PLXDC2: variants seen among roughly 807,000 people sequenced by gnomAD.
PLXDC2 encodes plexin domain-containing protein 2.
In PLXDC2, 40 loss-of-function variants were observed where a neutral mutation model predicts 68.9. That is an observed-to-expected ratio of 0.58 (90% CI 0.45 to 0.76). The LOEUF is 0.76. Ranked by LOEUF, PLXDC2 falls within the 30% of genes least tolerant of loss-of-function variation. PLXDC2 has a pLI of 0.00. For missense variants in PLXDC2, 644 were observed against 661.9 expected (o/e 0.97, Z 0.30); for synonymous variants, 243 against 234.2 (o/e 1.04, Z -0.34).
At chr10:20,172,567 C>T (rs886427830) in intron 7 of PLXDC2, among the ~76,000 whole-genome samples, 6 of 151,936 alleles carry the variant, frequency 3.9e-5, no homozygotes, top group Admixed American at 6.6e-5. Context: ...GTGTAATGAT[C>T]GGGTCAGGGT....
At chr10:20,221,689 C>T (rs1441306549) in intron 12 of PLXDC2, among the ~76,000 whole-genome samples, 2 of 152,144 alleles carry the variant, frequency 1.3e-5, no homozygotes, top group Admixed American at 6.6e-5. Context: ...AATCTAACTT[C>T]ATTATTTAAT....
intron 13 of PLXDC2, among the ~76,000 whole-genome samples, chr10:20,262,526 C>T (rs917480195): frequency 2.6e-5 from 4 of 152,134 alleles, no homozygotes; most frequent in African/African-American, 9.7e-5. Flanking sequence ...GGCACTTTAG[C>T]CATTCCAGCC....
chr10:20,140,405 A>AAATATCTATC (rs201306989), intron 4 of PLXDC2, among the ~76,000 whole-genome samples: 9 of 12,534 alleles, frequency 7.2e-4, no homozygotes, highest in Admixed American at 1.2e-3. Flanking sequence ...TATATATAAA[A>AAATATCTATC]TATCTATCTA....
chr10:20,145,090 C>T (rs2131793988), intron 5 of PLXDC2, among the ~76,000 whole-genome samples: 1 of 152,084 alleles, frequency 6.6e-6, no homozygotes, highest in South Asian at 2.1e-4. Flanking sequence ...GACGTAGGTC[C>T]TAAATAATTA....
chr10:19,941,265 T>C (rs2131397914), intron 1 of PLXDC2, among the ~76,000 whole-genome samples: 1 of 152,328 alleles, frequency 6.6e-6, no homozygotes, highest in East Asian at 1.9e-4. Flanking sequence ...AATGTGTTCT[T>C]ATCATGATGC....
At chr10:19,947,239 GA>G (rs1313720203) in intron 1 of PLXDC2, among the ~76,000 whole-genome samples, 9 of 152,180 alleles carry the variant, frequency 5.9e-5, no homozygotes, top group Non-Finnish European at 1.5e-5. Flanking sequence ...ATTTCAGTGA[GA>G]CCAGTTTTGA....
chr10:19,956,855 C>A (rs544540189), intron 1 of PLXDC2, among the ~76,000 whole-genome samples: 1 of 152,258 alleles, frequency 6.6e-6, no homozygotes, highest in African/African-American at 2.4e-5. Context: ...TAATGCCTTG[C>A]TTTACACCCA....
intron 1 of PLXDC2, among the ~76,000 whole-genome samples, chr10:19,823,484 C>T (rs1285513368): frequency 6.6e-6 from 1 of 151,374 alleles, no homozygotes; most frequent in South Asian, 2.1e-4. Flanking sequence ...GAGATCAAGA[C>T]CATCCTGGCC....
chr10:20,072,208 G>GA (rs57147716), intron 4 of PLXDC2, among the ~76,000 whole-genome samples: 38 of 151,474 alleles, frequency 2.5e-4, no homozygotes, highest in African/African-American at 6.3e-4. Flanking sequence ...CATCTCTACT[G>GA]AAAAAAACAA....
intron 12 of PLXDC2, among the ~76,000 whole-genome samples, chr10:20,232,641 T>C (rs1315173380): frequency 1.3e-5 from 2 of 152,218 alleles, no homozygotes; most frequent in Admixed American, 1.3e-4. Context: ...ACATGTAGTA[T>C]GATTCAATTT....
At chr10:20,132,195 C>T (rs556063739) in intron 4 of PLXDC2, among the ~76,000 whole-genome samples, 2 of 152,232 alleles carry the variant, frequency 1.3e-5, no homozygotes, top group East Asian at 1.9e-4. Context: ...TTCATTTCAT[C>T]GTGGTCTGAA....
chr10:19,920,164 T>G lies in PLXDC2; in HGVS notation c.113-81611T>G, dbSNP rs558607434. On this transcript the variant is annotated intron_variant, in intron 1 of 13. Coordinates refer to ENST00000377252, the MANE Select transcript of PLXDC2 (RefSeq NM_032812.9). ...AGCTCCTGTGGCTGTCATGGTTGCG[T>G]GTGATACGGCAGTGCTGGGAAGGGA... Among the ~76,000 whole-genome samples the G allele has an allele frequency of 9.2e-5, 14 of 152,266 alleles. No individual in the cohort carries two copies. In the East Asian group the frequency reaches 2.7e-3, roughly 30 times the overall value.
chr10:20,027,526 A>G (rs1223742822), intron 2 of PLXDC2, among the ~76,000 whole-genome samples: 1 of 152,134 alleles, frequency 6.6e-6, no homozygotes, highest in Non-Finnish European at 1.5e-5. Context: ...TCTTCTTTTT[A>G]TAAATTGCCA....
At chr10:20,120,963 A>T (rs1833689293) in intron 4 of PLXDC2, among the ~76,000 whole-genome samples, 2 of 152,266 alleles carry the variant, frequency 1.3e-5, no homozygotes, top group Non-Finnish European at 2.9e-5. Context: ...AGAAGGAAAT[A>T]CGGGGAAATG....
chr10:20,125,897 TC>T (rs1050957222), intron 4 of PLXDC2, among the ~76,000 whole-genome samples: 5 of 150,498 alleles, frequency 3.3e-5, no homozygotes, highest in African/African-American at 1.2e-4. Context: ...TGTGAGCCTT[TC>T]CACTACATTT....
rs189110781 is a variant in PLXDC2, at chr10:20,032,655, C to T, written c.325-14214C>T. 3.1e-4 allele frequency among the ~76,000 whole-genome samples: 47 copies of T among 151,942 alleles called. No individual in the cohort carries two copies. In the South Asian group the frequency reaches 6.0e-3, roughly 20 times the overall value. On this transcript the variant is annotated intron_variant, in intron 2 of 13. Transcript: ENST00000377252. ...TGATAACTACAAGGTACTGTGGAAGCGGAGAGAACATTGACTCTGGAGTTT... is the reference window on the plus strand; with the variant it reads ...TGATAACTACAAGGTACTGTGGAAGTGGAGAGAACATTGACTCTGGAGTTT...
intron 1 of PLXDC2, among the ~76,000 whole-genome samples, chr10:19,990,406 A>G (rs1466445359): frequency 6.6e-6 from 1 of 152,170 alleles, no homozygotes; most frequent in Non-Finnish European, 1.5e-5. Flanking sequence ...TTTAACAACT[A>G]TTTAGAGAGT....
chr10:19,949,739 A>G (rs995036371), intron 1 of PLXDC2, among the ~76,000 whole-genome samples: 1 of 152,190 alleles, frequency 6.6e-6, no homozygotes, highest in African/African-American at 2.4e-5. Context: ...CAATGTGATA[A>G]TAGAGGAATT....
chr10:19,845,237 C>T (rs899963333), intron 1 of PLXDC2, among the ~76,000 whole-genome samples: 4 of 152,138 alleles, frequency 2.6e-5, no homozygotes, highest in African/African-American at 9.7e-5. Flanking sequence ...CACCAGTGTG[C>T]TCATAAATTG....
Sources: allele counts gnomAD v4.1 joint callset (sites outside exome capture counted in the v4.1 genomes callset), GRCh38; gene constraint gnomAD v4.1.1; transcripts MANE v1.5; gene names NCBI Gene and HGNC (gene_info 2026-07-23, HGNC 2026-07-21).